Variants in RAPGEFL1 observed in about 807,000 individuals in gnomAD.
The protein encoded by RAPGEFL1 is rap guanine nucleotide exchange factor-like 1.
A neutral mutation model predicts 64.4 loss-of-function variants in RAPGEFL1; 31 were observed. That is an observed-to-expected ratio of 0.48 (90% confidence interval 0.36 to 0.65). RAPGEFL1 has a LOEUF of 0.65. Among genes scored for constraint, RAPGEFL1 ranks in the 30% least tolerant of loss-of-function variants. The pLI, the probability that RAPGEFL1 is intolerant of heterozygous loss-of-function variation, is 0.00. For synonymous variants in RAPGEFL1, 331 were observed against 274.1 expected (o/e 1.21, Z -2.05); for missense variants, 682 against 677.4 (o/e 1.01, Z -0.08).
intron 2 of RAPGEFL1, among the ~76,000 whole-genome samples, chr17:40,183,438 G>A (rs567603401): frequency 1.5e-4 from 23 of 150,394 alleles, no homozygotes; most frequent in Admixed American, 1.2e-3. Flanking sequence ...CAGGACCACC[G>A]AAACTCCTTT....
chr17:40,183,748 T>C (rs537434727), intron 2 of RAPGEFL1, among the ~76,000 whole-genome samples: 4 of 150,372 alleles, frequency 2.7e-5, no homozygotes, highest in East Asian at 3.9e-4. Flanking sequence ...CTCAAATTCC[T>C]GACCTTAAGT....
intron 6 of RAPGEFL1, 55 bp downstream of exon 6, chr17:40,189,430 A>C: frequency 1.3e-6 from 2 of 1,588,158 alleles, no homozygotes; most frequent in Non-Finnish European, 1.7e-6. Context: ...TCACAAGCTC[A>C]GGGCTCTGGG....
chr17:40,188,623 A>G (rs779580509), intron 4 of RAPGEFL1: 2 of 538,042 alleles, frequency 3.7e-6, no homozygotes, highest in Non-Finnish European at 6.7e-6. Flanking sequence ...GAAGAAAGTG[A>G]CCTTCCTGGT....
At chr17:40,178,466 G>A (rs1218844168) in intron 1 of RAPGEFL1, 85 bp downstream of exon 1, 4 of 447,674 alleles carry the variant, frequency 8.9e-6, no homozygotes, top group Non-Finnish European at 1.2e-5. Context: ...GGGTGGCGCC[G>A]TGCCGGGGCT....
intron 4 of RAPGEFL1, 103 bp downstream of exon 4, chr17:40,184,781 G>A (rs1372188112): frequency 7.8e-6 from 5 of 640,588 alleles, no homozygotes; most frequent in Non-Finnish European, 1.3e-5. Flanking sequence ...GGATTTGCTT[G>A]TTTGTTTGTT....
rs1161346870 is a variant in RAPGEFL1 at position 40,191,687 on chromosome 17, C to A, written c.1605+15C>A. On this transcript the variant is annotated intron_variant, in intron 10 of 14. Coordinates refer to ENST00000620260, the MANE Select transcript of RAPGEFL1 (RefSeq NM_016339.6). This position sits in a 1 kb window ranked among gnomAD's most constrained non-coding sequence, Gnocchi z 5.1. ...TCACCTGGGAGGTGATGAGACCCCT[C>A]CCGTTCCTACCTGGGAATCTGGGCA... The A allele has an allele frequency of 1.2e-6, 2 of 1,602,474 alleles. No individual in the cohort carries two copies. Among genetic ancestry groups the A allele is most frequent in the African/African-American group, 1.3e-5 (1 of 74,808 alleles).
At chr17:40,187,771 C>T (rs1248762735) in intron 4 of RAPGEFL1, among the ~76,000 whole-genome samples, 3 of 151,584 alleles carry the variant, frequency 2.0e-5, no homozygotes, top group African/African-American at 2.4e-5. Flanking sequence ...CCACCACGCC[C>T]GGCTAATTTT....
At chr17:40,179,431 C>A (rs918219412) in intron 1 of RAPGEFL1, among the ~76,000 whole-genome samples, 1 of 151,330 alleles carries the variant, frequency 6.6e-6, no homozygotes, top group Non-Finnish European at 1.5e-5. Flanking sequence ...TGGTCTTGAA[C>A]TCCTGACCTC....
intron 1 of RAPGEFL1, among the ~76,000 whole-genome samples, chr17:40,180,989 G>A (rs1989877980): frequency 6.6e-6 from 1 of 152,244 alleles, no homozygotes; most frequent in Non-Finnish European, 1.5e-5. Flanking sequence ...GGTGTGGAGG[G>A]GAAAGGGGTG....
chr17:40,183,518 C>CTTTTTTTTT (rs760848897), intron 2 of RAPGEFL1, among the ~76,000 whole-genome samples: 3 of 130,168 alleles, frequency 2.3e-5, no homozygotes, highest in East Asian at 2.2e-4. Flanking sequence ...CTTTTCTTTT[C>CTTTTTTTTT]TTTTTTTTTT....
Position 40,191,492 on chromosome 17 carries a change from C to T in RAPGEFL1, c.1512C>T (p.Ala504=). 6.2e-7 allele frequency: 1 copy of T among 1,602,628 alleles called. No homozygotes were observed. The highest frequency in any genetic ancestry group is 8.5e-7 in the Non-Finnish European group (1 of 1,176,612). The change falls in exon 9 of 15, where the codon GCC becomes GCT. Residue 504 remains alanine, a splice_region_variant and synonymous_variant. Coordinates refer to ENST00000620260, the MANE Select transcript of RAPGEFL1 (RefSeq NM_016339.6). The surrounding 1 kb of genome is among the most constrained non-coding windows in gnomAD (Gnocchi z 5.1). ...QLLKKFIKIA[A]LCKQNQDLLS... ...TCAAGAAGTTCATCAAGATCGCGGC[C>T]CTGTGAGTGCGGCCGTCGGCGGGAT...
intron 2 of RAPGEFL1, among the ~76,000 whole-genome samples, chr17:40,182,552 G>T (rs1276109230): frequency 6.6e-6 from 1 of 152,202 alleles, no homozygotes; most frequent in Non-Finnish European, 1.5e-5. Context: ...GACCTCAAGT[G>T]ATTCGCCTGC....
rs1567696799 is a variant in RAPGEFL1 at position 40,191,518 on chromosome 17, G to GGGGGGCC, written c.1514+27_1514+33dup. The GGGGGGCC allele has an allele frequency of 6.3e-7, 1 of 1,584,342 alleles. No homozygotes were observed. The highest frequency in any genetic ancestry group is 8.6e-7 in the Non-Finnish European group (1 of 1,168,252). On this transcript the variant is annotated intron_variant, in intron 9 of 14. Transcript: ENST00000620260. The surrounding 1 kb of genome is among the most constrained non-coding windows in gnomAD (Gnocchi z 5.1). ...CTGTGAGTGCGGCCGTCGGCGGGAT[G>GGGGGGCC]GGGGGCCGGAGGCCGGAGGCCCGCG...
chr17:40,181,382 C>T, intron 1 of RAPGEFL1: 1 of 636,340 alleles, frequency 1.6e-6, no homozygotes, highest in Middle Eastern at 2.5e-4. Context: ...AGGCACGCGC[C>T]CCCCCCTTCC....
intron 10 of RAPGEFL1, 67 bp from the exon 11 acceptor site, chr17:40,192,146 C>T: frequency 1.4e-6 from 2 of 1,460,542 alleles, no homozygotes; most frequent in Non-Finnish European, 1.9e-6. Context: ...GAGAATTAAT[C>T]CGAGGCTCCC....
At chr17:40,182,859 G>A (rs1989934558) in intron 2 of RAPGEFL1, among the ~76,000 whole-genome samples, 1 of 152,094 alleles carries the variant, frequency 6.6e-6, no homozygotes, top group Non-Finnish European at 1.5e-5. Context: ...GAATGTTACA[G>A]GCTCCCAGCC....
intron 5 of RAPGEFL1, 30 bp downstream of exon 5, chr17:40,189,008 G>T: frequency 3.8e-6 from 6 of 1,593,078 alleles, no homozygotes; most frequent in Non-Finnish European, 3.4e-6. Flanking sequence ...GGGGCAGGGT[G>T]TCCTGAGTGG....
At chr17:40,180,664 C>T (rs558074694) in intron 1 of RAPGEFL1, among the ~76,000 whole-genome samples, 1 of 152,316 alleles carries the variant, frequency 6.6e-6, no homozygotes, top group East Asian at 1.9e-4. Flanking sequence ...CAAGTCCCTC[C>T]CAGCTCTGGG....
chr17:40,187,768 G>A (rs1465031430), intron 4 of RAPGEFL1, among the ~76,000 whole-genome samples: 1 of 151,564 alleles, frequency 6.6e-6, no homozygotes, highest in Admixed American at 6.6e-5. Context: ...CTGCCACCAC[G>A]CCCGGCTAAT....
Sources: allele counts gnomAD v4.1 joint callset (sites outside exome capture counted in the v4.1 genomes callset), GRCh38; gene constraint gnomAD v4.1.1; non-coding constraint Gnocchi (gnomAD v3.1); transcripts MANE v1.5; gene names NCBI Gene and HGNC (gene_info 2026-07-23, HGNC 2026-07-21).